The following RBFOX3 variants were observed in gnomAD, a reference collection of about 807,000 sequenced individuals.
RBFOX3 encodes the protein RNA binding fox-1 homolog 3.
In RBFOX3, 17 loss-of-function variants were observed where a neutral mutation model predicts 48.7. The observed-to-expected ratio is 0.35, with a 90% CI of 0.24 to 0.52. The LOEUF (loss-of-function observed/expected upper bound fraction) is 0.52, where lower values mean the gene tolerates loss of function less well. Ranked by LOEUF, RBFOX3 falls within the 20% of genes least tolerant of loss-of-function variation. The pLI is 0.94. For synonymous variants in RBFOX3, 212 were observed against 209.5 expected (o/e 1.01, Z -0.10); for missense variants, 382 against 497.5 (o/e 0.77, Z 2.21).
chr17:79,259,166 T>C (rs2065338261), intron 3 of RBFOX3, among the ~76,000 whole-genome samples: 1 of 152,270 alleles, frequency 6.6e-6, no homozygotes, highest in Non-Finnish European at 1.5e-5. Context: ...TGTTTTTCTA[T>C]AGACCCACTT....
chr17:79,356,932 A>C (rs978755825), intron 2 of RBFOX3, among the ~76,000 whole-genome samples: 1 of 152,098 alleles, frequency 6.6e-6, no homozygotes, highest in South Asian at 2.1e-4. Flanking sequence ...TGAGCCTCCC[A>C]GTGGCACTGA....
chr17:79,618,354 G>T, the RBFOX3 span, among the ~76,000 whole-genome samples: 78 of 152,144 alleles, frequency 5.1e-4, no homozygotes, highest in African/African-American at 1.8e-3. Flanking sequence ...AGTGGGACGT[G>T]AGCCGTATCT....
rs1386691435 is a variant in RBFOX3, at chr17:79,090,209, G to A, written c.*674C>T. 1.3e-5 allele frequency: 2 copies of A among 152,274 alleles called. No individual in the cohort carries two copies. The highest frequency in any genetic ancestry group is 4.8e-5 in the African/African-American group (2 of 41,432). The allele number at this position is 152,274 out of a possible 1,614,324, so 9.4% of individuals were successfully genotyped here. The stretch of plus-strand genomic sequence containing the variant: ...CTTCGTCCTCCCATGGAGCGCCCCT[G>A]AGTCCTGGAGCCACGTCAGCCCTTT... On this transcript the variant is annotated 3_prime_UTR_variant, in exon 15 of 15. Coordinates refer to ENST00000693108, the MANE Select transcript of RBFOX3 (RefSeq NM_001350451.2).
intron 4 of RBFOX3, among the ~76,000 whole-genome samples, chr17:79,206,218 A>G (rs1361834018): frequency 1.3e-5 from 2 of 152,064 alleles, no homozygotes; most frequent in African/African-American, 4.8e-5. Flanking sequence ...TTCCACCAAG[A>G]GAGGGGCACA....
chr17:79,322,810 G>T (rs2078738199), intron 2 of RBFOX3, among the ~76,000 whole-genome samples: 1 of 152,216 alleles, frequency 6.6e-6, no homozygotes, highest in African/African-American at 2.4e-5. Context: ...GATGTTCAGT[G>T]AGCTGACCGG....
In RBFOX3 at chr17:79,477,391, C is replaced by A. The variant is rs1215661653; in HGVS notation, c.-175+5063G>T. 2.6e-5 allele frequency among the ~76,000 whole-genome samples: 4 copies of A among 151,282 alleles called. No homozygotes were observed. Among genetic ancestry groups the A allele is most frequent in the African/African-American group, 9.7e-5 (4 of 41,170 alleles). On this transcript the variant is annotated intron_variant, in intron 2 of 14. Transcript: ENST00000693108. The surrounding 1 kb of genome is among the most constrained non-coding windows in gnomAD (Gnocchi z 4.8). The stretch of plus-strand genomic sequence containing the variant: ...CTAACACGGTGAAACCCCGTCTCTA[C>A]TAAAAATACAAAACATTAGCCAGAC...
intron 1 of RBFOX3, among the ~76,000 whole-genome samples, chr17:79,565,189 A>G (rs978058642): frequency 6.6e-6 from 1 of 152,148 alleles, no homozygotes; most frequent in Non-Finnish European, 1.5e-5. Flanking sequence ...TAAAGTAGTT[A>G]TCTCTGGGTG....
chr17:79,191,263 G>A (rs2054460458), intron 4 of RBFOX3, among the ~76,000 whole-genome samples: 1 of 152,224 alleles, frequency 6.6e-6, no homozygotes, highest in South Asian at 2.1e-4. Flanking sequence ...TGTAGAGAGG[G>A]AATGGTGGCC....
rs1411068802 is a variant in RBFOX3, at chr17:79,482,009, T to G, written c.-175+445A>C. Reference sequence around the variant, plus strand: ...CCCTCTCGGGGTGGGAACAGAGGCATCATGCCGTCCCCTCTAGAGCCACAG... The same window carrying G: ...CCCTCTCGGGGTGGGAACAGAGGCAGCATGCCGTCCCCTCTAGAGCCACAG... On this transcript the variant is annotated intron_variant, in intron 2 of 14. Transcript: ENST00000693108. The surrounding 1 kb of genome is among the most constrained non-coding windows in gnomAD (Gnocchi z 4.1). 1.3e-5 allele frequency among the ~76,000 whole-genome samples: 2 copies of G among 152,204 alleles called. No homozygotes were observed. Among genetic ancestry groups the G allele is most frequent in the Admixed American group, 6.5e-5 (1 of 15,296 alleles).
chr17:79,367,225 T>A (rs1028011673), intron 2 of RBFOX3, among the ~76,000 whole-genome samples: 2 of 124,246 alleles, frequency 1.6e-5, no homozygotes, highest in African/African-American at 3.1e-5. Flanking sequence ...CTCCTCTCCC[T>A]CCTCCCCTCC....
chr17:79,334,554 G>C (rs1465092325), intron 2 of RBFOX3, among the ~76,000 whole-genome samples: 1 of 152,124 alleles, frequency 6.6e-6, no homozygotes, highest in Non-Finnish European at 1.5e-5. Flanking sequence ...GGGGCCCCTA[G>C]GAAACCTCTT....
intron 1 of RBFOX3, among the ~76,000 whole-genome samples, chr17:79,575,077 C>G (rs2092812917): frequency 6.6e-6 from 1 of 152,214 alleles, no homozygotes. Context: ...GGGGTCTACC[C>G]CCTAGGTTCT....
At chr17:79,185,188 C>T (rs1458733056) in intron 4 of RBFOX3, among the ~76,000 whole-genome samples, 2 of 152,312 alleles carry the variant, frequency 1.3e-5, no homozygotes, top group African/African-American at 2.4e-5. Context: ...ACGAGGCAGG[C>T]GAGCTGGCCA....
At chr17:79,236,744 G>A (rs890607856) in intron 3 of RBFOX3, among the ~76,000 whole-genome samples, 1 of 152,118 alleles carries the variant, frequency 6.6e-6, no homozygotes, top group Admixed American at 6.5e-5. Flanking sequence ...CGGGGCCAGG[G>A]TATCCACTCC....
At chr17:79,375,206 G>A (rs1448637030) in intron 2 of RBFOX3, among the ~76,000 whole-genome samples, 3 of 152,206 alleles carry the variant, frequency 2.0e-5, no homozygotes, top group Non-Finnish European at 4.4e-5. Context: ...CCAGAGAAGA[G>A]TCAGTGAAGG....
At position 79,580,085 on chromosome 17, in the gene RBFOX3, C is replaced by A. The variant is rs928325142; in HGVS notation, c.-320+30741G>T. Among the ~76,000 whole-genome samples, 86 of 152,134 alleles carry A rather than the reference C, an allele frequency of 5.7e-4. 3 individuals carry two copies. The South Asian group carries it at 0.018, about 31-fold the overall frequency. On this transcript the variant is annotated intron_variant, in intron 1 of 14. Coordinates refer to ENST00000693108, the MANE Select transcript of RBFOX3 (RefSeq NM_001350451.2). ...GAGGTAACTGCACCTGGTACCTTCC[C>A]AATCTCATCTCTGAGAACTTGGCAT... is the stretch of plus-strand genomic sequence containing the variant.
intron 2 of RBFOX3, among the ~76,000 whole-genome samples, chr17:79,319,672 G>A (rs1429169752): frequency 6.6e-6 from 1 of 152,174 alleles, no homozygotes; most frequent in Non-Finnish European, 1.5e-5. Flanking sequence ...TGTCTGGGCT[G>A]CTGGGCTATA....
the RBFOX3 span, among the ~76,000 whole-genome samples, chr17:79,656,895 G>GGAGGGAAGGAAGGAAGGGAGGAA: frequency 8.6e-6 from 1 of 116,316 alleles, no homozygotes; most frequent in African/African-American, 3.7e-5. Flanking sequence ...GAAGGAAGGA[G>GGAGGGAAGGAAGGAAGGGAGGAA]GGAAGGAAGG....
chr17:79,105,632 A>G (rs759485823), intron 6 of RBFOX3, among the ~76,000 whole-genome samples: 4 of 152,194 alleles, frequency 2.6e-5, no homozygotes, highest in Admixed American at 2.6e-4. Context: ...GTCAGGGGGT[A>G]GGTGAACGGG....
Sources: gnomAD v4.1 joint callset for allele counts (sites outside exome capture counted in the v4.1 genomes callset) on GRCh38, gnomAD v4.1.1 for gene constraint, Gnocchi (gnomAD v3.1) non-coding constraint, MANE v1.5 for transcripts, NCBI Gene and HGNC (gene_info 2026-07-23, HGNC 2026-07-21) for gene names.